The following FSD2 variants were observed in gnomAD, a reference collection of about 807,000 sequenced individuals.
FSD2 encodes the protein fibronectin type III and SPRY domain-containing protein 2.
Under a neutral mutation model 80.4 loss-of-function variants are expected in FSD2, and 71 were observed. That is an observed-to-expected ratio of 0.88 (90% CI 0.73 to 1.08). The LOEUF is 1.08. FSD2 is among the 50% of genes least tolerant of loss of function. The pLI, the probability that FSD2 is intolerant of heterozygous loss-of-function variation, is 0.00. For missense variants in FSD2, 923 were observed against 913.8 expected (o/e 1.01, Z -0.13); for synonymous variants, 361 against 329.5 (o/e 1.10, Z -1.03).
At chr15:82,791,253 C>T (rs1419609618) in intron 1 of FSD2, among the ~76,000 whole-genome samples, 7 of 152,304 alleles carry the variant, frequency 4.6e-5, no homozygotes, top group African/African-American at 1.4e-4. Flanking sequence ...CCGTCTCGGC[C>T]TCCCAAAGTG....
At chr15:82,764,462 C>T (rs62011684) in intron 11 of FSD2, among the ~76,000 whole-genome samples, 17,962 of 138,888 alleles carry the variant, frequency 0.13, 1,224 homozygotes, top group Non-Finnish European at 0.15. Context: ...TTCAATAAAT[C>T]TCTGCTCTTG....
At position 82,755,390 on chromosome 15, in the gene FSD2, A is replaced by G. The variant is rs1237630294; in HGVS notation, c.*3958T>C. On this transcript the variant is annotated 3_prime_UTR_variant, in exon 13 of 13. Transcript: ENST00000334574. ...ATATACCAAAACATTTTTATTTGCT[A>G]TGTCTGAGTGACTACATGTTGTTTG... 4 of 152,288 alleles carry G rather than the reference A, an allele frequency of 2.6e-5. No individual in the cohort carries two copies. The highest frequency in any genetic ancestry group is 6.5e-5 in the Admixed American group (1 of 15,292). 9.4% of individuals were successfully genotyped at this position (152,288 alleles called of 1,614,324 possible).
Position 82,783,033 on chromosome 15 carries a change from A to G in FSD2, c.736-8T>C, listed in dbSNP as rs771870614. On this transcript the variant is annotated splice_region_variant and splice_polypyrimidine_tract_variant and intron_variant, in intron 3 of 12. Coordinates refer to ENST00000334574, the MANE Select transcript of FSD2 (RefSeq NM_001007122.4). ...TTGTTTTCCAAAATTCTCCTGCAAG[A>G]CAGTTGATCTCAGTCATCATTTCAG... 5.2e-5 allele frequency: 83 copies of G among 1,584,390 alleles called. No homozygotes were observed. Among genetic ancestry groups the G allele is most frequent in the Non-Finnish European group, 6.6e-5 (76 of 1,156,024 alleles).
chr15:82,799,664 C>T (rs566652487), intron 1 of FSD2, among the ~76,000 whole-genome samples: 4 of 152,310 alleles, frequency 2.6e-5, no homozygotes, highest in African/African-American at 7.2e-5. Flanking sequence ...GTCACCTCCA[C>T]GGCAGCCCCT....
chr15:82,796,000 C>CTTTTTTTTTTTTTTTTTT (rs143711664), intron 1 of FSD2, among the ~76,000 whole-genome samples: 1 of 117,500 alleles, frequency 8.5e-6, no homozygotes, highest in African/African-American at 3.3e-5. Context: ...TTTTTCTTTT[C>CTTTTTTTTTTTTTTTTTT]TTTTTTTTTT....
intron 1 of FSD2, among the ~76,000 whole-genome samples, chr15:82,792,027 CT>C (rs1028243195): frequency 1.4e-4 from 22 of 152,152 alleles, no homozygotes; most frequent in African/African-American, 4.3e-4. Flanking sequence ...TTGTTTCTAC[CT>C]TTTGGCTATT....
At chr15:82,766,752 A>G (rs1021478158) in intron 9 of FSD2, among the ~76,000 whole-genome samples, 1 of 152,036 alleles carries the variant, frequency 6.6e-6, no homozygotes, top group African/African-American at 2.4e-5. Context: ...AAAAAAAAAA[A>G]AAAGGTCCTT....
chr15:82,800,237 C>T (rs994040316), intron 1 of FSD2, among the ~76,000 whole-genome samples: 3 of 152,192 alleles, frequency 2.0e-5, no homozygotes, highest in African/African-American at 7.2e-5. Flanking sequence ...TGCCCCAGTG[C>T]CCTCCAAGTT....
chr15:82,768,687 T>G (rs2049483294), intron 9 of FSD2, among the ~76,000 whole-genome samples, 193 bp downstream of exon 9: 1 of 152,232 alleles, frequency 6.6e-6, no homozygotes, highest in South Asian at 2.1e-4. Flanking sequence ...TTCAACCAAC[T>G]TATTCATTCA....
intron 3 of FSD2, among the ~76,000 whole-genome samples, chr15:82,785,497 T>G (rs2049973932): frequency 6.6e-6 from 1 of 151,880 alleles, no homozygotes; most frequent in African/African-American, 2.4e-5. Flanking sequence ...GCTAATTTTT[T>G]ATTAGTAGTA....
Position 82,756,533 on chromosome 15 carries a change from C to T in FSD2, c.*2815G>A, listed in dbSNP as rs914817200. The T allele has an allele frequency of 1.3e-5, 2 of 152,256 alleles. No homozygotes were observed. The highest frequency in any genetic ancestry group is 2.9e-5 in the Non-Finnish European group (2 of 68,046). The allele number at this position is 152,256 out of a possible 1,614,324, so 9.4% of individuals were successfully genotyped here. On this transcript the variant is annotated 3_prime_UTR_variant, in exon 13 of 13. Transcript: ENST00000334574. ...CCAGCAGGAAGTAATTTATTAAACA[C>T]ACTTTTCTAAATAAAAGTCATTTAA...
chr15:82,799,290 C>CCCT (rs955918440), intron 1 of FSD2, among the ~76,000 whole-genome samples: 5 of 152,168 alleles, frequency 3.3e-5, no homozygotes, highest in Non-Finnish European at 5.9e-5. Flanking sequence ...ATCCTATTGA[C>CCCT]CCTTCTGTGT....
chr15:82,771,269 T>C (rs573897940), intron 7 of FSD2, among the ~76,000 whole-genome samples: 2 of 152,330 alleles, frequency 1.3e-5, no homozygotes, highest in South Asian at 4.2e-4. Flanking sequence ...CTTCTTTCTC[T>C]CTGACTCTCA....
intron 1 of FSD2, among the ~76,000 whole-genome samples, chr15:82,795,878 T>C (rs1415890240): frequency 6.7e-6 from 1 of 148,368 alleles, no homozygotes; most frequent in East Asian, 2.0e-4. Context: ...GATAGGAGAG[T>C]AATTATGAAG....
chr15:82,765,436 G>A, intron 10 of FSD2, 138 bp from the exon 11 acceptor site: 2 of 1,068,516 alleles, frequency 1.9e-6, no homozygotes, highest in Non-Finnish European at 2.7e-6. Flanking sequence ...AGTTAACAAG[G>A]ATGGCAATTG....
At chr15:82,783,708 C>T (rs1261976614) in intron 3 of FSD2, among the ~76,000 whole-genome samples, 1 of 152,192 alleles carries the variant, frequency 6.6e-6, no homozygotes, top group Non-Finnish European at 1.5e-5. Flanking sequence ...AGATTCCCAT[C>T]TATCATTCTC....
intron 11 of FSD2, among the ~76,000 whole-genome samples, chr15:82,764,716 G>T (rs1285765642): frequency 6.6e-6 from 1 of 151,880 alleles, no homozygotes; most frequent in African/African-American, 2.4e-5. Context: ...GACCTCAGGT[G>T]ATCTGCCTGC....
chr15:82,772,664 CCA>C (rs1454335479), intron 6 of FSD2, among the ~76,000 whole-genome samples: 5 of 152,156 alleles, frequency 3.3e-5, no homozygotes, highest in African/African-American at 1.2e-4. Context: ...GGAACATCTC[CCA>C]CATTAATGAG....
chr15:82,766,280 C>A (rs913905874), intron 9 of FSD2, among the ~76,000 whole-genome samples: 2 of 152,214 alleles, frequency 1.3e-5, no homozygotes, highest in Non-Finnish European at 1.5e-5. Flanking sequence ...GTCCCTCATT[C>A]TGGTTTCCCA....
Sources: allele counts gnomAD v4.1 joint callset (sites outside exome capture counted in the v4.1 genomes callset), GRCh38; gene constraint gnomAD v4.1.1; transcripts MANE v1.5; gene names NCBI Gene and HGNC (gene_info 2026-07-23, HGNC 2026-07-21).